The following KCTD16 variants were observed in gnomAD, a reference collection of about 807,000 sequenced individuals.
KCTD16 encodes BTB/POZ domain-containing protein KCTD16.
Under a neutral mutation model 33.2 loss-of-function variants are expected in KCTD16, and 13 were observed. That is an observed-to-expected ratio of 0.39 (90% CI 0.25 to 0.62). The LOEUF (loss-of-function observed/expected upper bound fraction) is 0.62, where lower values mean the gene tolerates loss of function less well. KCTD16 is among the 20% of genes least tolerant of loss of function. KCTD16 has a pLI of 0.50. For synonymous variants in KCTD16, 197 were observed against 195.3 expected, an observed-to-expected ratio of 1.01 and a Z score of -0.07; for missense variants, 441 against 525.1, an observed-to-expected ratio of 0.84 and a Z score of 1.57.
intron 3 of KCTD16, among the ~76,000 whole-genome samples, chr5:144,419,045 A>C (rs1753150104): frequency 6.6e-6 from 1 of 152,128 alleles, no homozygotes; most frequent in Non-Finnish European, 1.5e-5. Flanking sequence ...TATTATCCTC[A>C]TTGTAGTTGG....
Position 144,259,562 on chromosome 5 carries a change from C to G in KCTD16, c.832+52016C>G, listed in dbSNP as rs141237477. Among the ~76,000 whole-genome samples, 6 of 152,280 alleles carry G rather than the reference C, an allele frequency of 3.9e-5. 1 individual carries two copies. In the East Asian group the frequency reaches 1.2e-3, roughly 29 times the overall value. ...CAAACCTGTCTTCTTTTATTGTACT[C>G]AGACGAGTGGCTAAAGAAATGGGTG... On this transcript the variant is annotated intron_variant, in intron 3 of 3. Coordinates refer to ENST00000512467, the MANE Select transcript of KCTD16 (RefSeq NM_020768.4).
At chr5:144,249,957 T>C (rs1580819758) in intron 3 of KCTD16, among the ~76,000 whole-genome samples, 1 of 152,196 alleles carries the variant, frequency 6.6e-6, no homozygotes, top group African/African-American at 2.4e-5. Flanking sequence ...AGAAATGGTC[T>C]CAAATTTTGC....
intron 3 of KCTD16, among the ~76,000 whole-genome samples, chr5:144,241,502 C>A (rs970584439): frequency 1.3e-5 from 2 of 152,110 alleles, no homozygotes; most frequent in African/African-American, 4.8e-5. Flanking sequence ...TAGTCACTGA[C>A]TTCGATGGAT....
intron 3 of KCTD16, among the ~76,000 whole-genome samples, chr5:144,431,417 G>A (rs1304613524): frequency 4.6e-5 from 7 of 152,196 alleles, no homozygotes; most frequent in Admixed American, 4.6e-4. Context: ...TATGTCAGCT[G>A]TAGTGCTTTT....
intron 2 of KCTD16, among the ~76,000 whole-genome samples, chr5:144,177,358 A>G (rs1752530218): frequency 6.6e-6 from 1 of 152,154 alleles, no homozygotes; most frequent in South Asian, 2.1e-4. Flanking sequence ...TAGAATTCAG[A>G]CTGGATTAGT....
intron 2 of KCTD16, among the ~76,000 whole-genome samples, chr5:144,200,805 A>G (rs1335971962): frequency 1.3e-5 from 2 of 152,176 alleles, no homozygotes; most frequent in African/African-American, 4.8e-5. Context: ...AGGCACCATC[A>G]TAGCTCATTG....
chr5:144,321,287 C>T (rs968012757), intron 3 of KCTD16, among the ~76,000 whole-genome samples: 3 of 152,180 alleles, frequency 2.0e-5, no homozygotes, highest in Non-Finnish European at 4.4e-5. Flanking sequence ...GGTCATGAAT[C>T]ACCTGCTTCG....
At chr5:144,420,412 A>T (rs1296254202) in intron 3 of KCTD16, among the ~76,000 whole-genome samples, 1 of 152,110 alleles carries the variant, frequency 6.6e-6, no homozygotes, top group Non-Finnish European at 1.5e-5. Flanking sequence ...TAATAATAAT[A>T]GCAATAAAGG....
rs1213645475 is a variant in KCTD16 at position 144,299,119 on chromosome 5, TATATATATATATATATATATATATATATA to T, written c.832+91574_832+91602del. On this transcript the variant is annotated intron_variant, in intron 3 of 3. Transcript: ENST00000512467. ...ATGTATATATATATATATATATATA[TATATATATATATATATATATATATATATA>T]TTTTTTTTTTTTTTTTTAACCTGTC... 7.5e-3 allele frequency among the ~76,000 whole-genome samples: 148 copies of T among 19,702 alleles called. 9 individuals carry two copies. Among genetic ancestry groups the T allele is most frequent in the African/African-American group, 0.031 (70 of 2,262 alleles). The allele number at this position is 19,702 out of a possible 152,430, so 12.9% of individuals were successfully genotyped here. A position where few individuals can be genotyped will look rare whatever the true frequency, so the allele number is the denominator to read the frequency against.
intron 3 of KCTD16, among the ~76,000 whole-genome samples, chr5:144,467,080 T>A (rs1435662656): frequency 7.5e-6 from 1 of 133,554 alleles, no homozygotes; most frequent in Non-Finnish European, 1.6e-5. Context: ...ATAATATATA[T>A]AGTGTTATAT....
chr5:144,174,081 T>C (rs1752450292), intron 1 of KCTD16, among the ~76,000 whole-genome samples: 1 of 152,090 alleles, frequency 6.6e-6, no homozygotes, highest in Non-Finnish European at 1.5e-5. Flanking sequence ...GCTAGACTTG[T>C]AATAGCTGCG....
chr5:144,243,911 T>A (rs1754476032), intron 3 of KCTD16, among the ~76,000 whole-genome samples: 1 of 151,940 alleles, frequency 6.6e-6, no homozygotes, highest in South Asian at 2.1e-4. Context: ...GCCCGGCTAA[T>A]TTTTTTGTAT....
chr5:144,382,474 C>G (rs1484596035), intron 3 of KCTD16, among the ~76,000 whole-genome samples: 5 of 152,124 alleles, frequency 3.3e-5, no homozygotes, highest in Admixed American at 6.6e-5. Flanking sequence ...TTCTATGCCC[C>G]TCGCCTCTGA....
intron 3 of KCTD16, among the ~76,000 whole-genome samples, chr5:144,368,428 G>A (rs1203225673): frequency 6.6e-6 from 1 of 152,118 alleles, no homozygotes; most frequent in African/African-American, 2.4e-5. Context: ...AGAGACATGG[G>A]AAAAGGAATG....
At chr5:144,276,325 A>T (rs546240017) in intron 3 of KCTD16, among the ~76,000 whole-genome samples, 23 of 152,240 alleles carry the variant, frequency 1.5e-4, no homozygotes, top group African/African-American at 5.5e-4. Context: ...GCTTTAGTTC[A>T]CTTATTTGCC....
chr5:144,199,706 C>CTTTT (rs1753004869), intron 2 of KCTD16, among the ~76,000 whole-genome samples: 6 of 102,440 alleles, frequency 5.9e-5, no homozygotes, highest in South Asian at 3.1e-4. Flanking sequence ...AGAACAGCTT[C>CTTTT]ATTTTTTTTT....
chr5:144,408,627 G>A lies in KCTD16; in HGVS notation c.833-65033G>A, dbSNP rs1752865006. ...GTACTTTGGTAAAAAATGTCTTGAAGGTAGAGGTATATCAATTATATCACT... is the reference window on the plus strand; with the variant it reads ...GTACTTTGGTAAAAAATGTCTTGAAAGTAGAGGTATATCAATTATATCACT... On this transcript the variant is annotated intron_variant, in intron 3 of 3. Transcript: ENST00000512467. Among the ~76,000 whole-genome samples, 5 of 152,116 alleles carry A rather than the reference G, an allele frequency of 3.3e-5. No homozygotes were observed. In the South Asian group the frequency reaches 1.0e-3, roughly 32 times the overall value.
chr5:144,231,778 T>G (rs1299877795), intron 3 of KCTD16, among the ~76,000 whole-genome samples: 2 of 152,200 alleles, frequency 1.3e-5, no homozygotes, highest in African/African-American at 4.8e-5. Flanking sequence ...AAGAAGGATG[T>G]GTTTGGTTTC....
At chr5:144,299,688 G>A (rs190905564) in intron 3 of KCTD16, among the ~76,000 whole-genome samples, 103 of 151,950 alleles carry the variant, frequency 6.8e-4, no homozygotes, top group African/African-American at 2.3e-3. Flanking sequence ...GTAAGGTAGG[G>A]CATTATGTAA....
Sources: allele counts gnomAD v4.1 joint callset (sites outside exome capture counted in the v4.1 genomes callset), GRCh38; gene constraint gnomAD v4.1.1; transcripts MANE v1.5; gene names NCBI Gene and HGNC (gene_info 2026-07-23, HGNC 2026-07-21).